Variants in FAM222A observed in about 807,000 individuals in gnomAD.
FAM222A encodes protein FAM222A.
FAM222A carries 7 observed loss-of-function variants against 25.8 expected under a neutral mutation model. The observed-to-expected ratio is 0.27, with a 90% CI of 0.15 to 0.51. FAM222A has a LOEUF of 0.51. FAM222A is among the 20% of genes least tolerant of loss of function. The pLI is 0.97. For missense variants in FAM222A, 573 were observed against 640.5 expected (o/e 0.89, Z 1.14); for synonymous variants, 294 against 298.8 (o/e 0.98, Z 0.17).
rs1888333727 is a variant in FAM222A at position 109,744,370 on chromosome 12, C to G, written c.82+142C>G. 2.8e-6 allele frequency: 4 copies of G among 1,421,044 alleles called. No individual in the cohort carries two copies. In the African/African-American group the frequency reaches 5.7e-5, roughly 20 times the overall value. The allele number at this position is 1,421,044 out of a possible 1,614,324, so 88.0% of individuals were successfully genotyped here. ...CCCCCAGGCCTTGGCCCCGGCTGTG[C>G]TGCCTTCCTGGTCTCCATCCCCAAA... On this transcript the variant is annotated intron_variant, in intron 2 of 2. Transcript: ENST00000538780.
intron 2 of FAM222A, among the ~76,000 whole-genome samples, chr12:109,749,433 G>A (rs1474331237): frequency 1.3e-5 from 2 of 152,106 alleles, no homozygotes; most frequent in Non-Finnish European, 2.9e-5. Context: ...GGTGGTGGTA[G>A]TGTTTTTTAT....
intron 1 of FAM222A, among the ~76,000 whole-genome samples, chr12:109,724,566 C>T (rs1272407116): frequency 1.3e-5 from 2 of 152,170 alleles, no homozygotes; most frequent in Admixed American, 1.3e-4. Context: ...TGAGGCTTCC[C>T]CCGGGGCCTG....
Position 109,768,937 on chromosome 12 carries a change from CACCAGCTT to C in FAM222A, c.1009_1016del (p.Thr337HisfsTer92). ...CCCTCAACTGTGGCGTGGGGCTGCC[CACCAGCTT>C]CACCGTAGGCCAGTACTTTGCGGCC... On this transcript the variant is annotated frameshift_variant, in exon 3 of 3. Coordinates refer to ENST00000538780, the MANE Select transcript of FAM222A (RefSeq NM_032829.3). LOFTEE classifies it high-confidence loss of function. 1.9e-6 allele frequency: 3 copies of C among 1,574,218 alleles called. No individual in the cohort carries two copies. The highest frequency in any genetic ancestry group is 2.6e-6 in the Non-Finnish European group (3 of 1,166,808).
At chr12:109,765,887 G>T (rs993992471) in intron 2 of FAM222A, among the ~76,000 whole-genome samples, 2 of 152,154 alleles carry the variant, frequency 1.3e-5, no homozygotes, top group Non-Finnish European at 2.9e-5. Flanking sequence ...TAATACTCAC[G>T]CTCACAGAAC....
At chr12:109,759,655 A>T (rs1283593899) in intron 2 of FAM222A, among the ~76,000 whole-genome samples, 2 of 152,180 alleles carry the variant, frequency 1.3e-5, no homozygotes, top group African/African-American at 4.8e-5. Context: ...CAAGTCTTTA[A>T]TGGGGGCCGC....
At chr12:109,731,730 C>T (rs144319953) in intron 1 of FAM222A, among the ~76,000 whole-genome samples, 194 of 152,268 alleles carry the variant, frequency 1.3e-3, no homozygotes, top group African/African-American at 4.6e-3. Context: ...CTCTGCCCAC[C>T]CATGTTGAGG....
At position 109,768,346 on chromosome 12, in the gene FAM222A, C is replaced by T. The variant is rs151189872; in HGVS notation, c.417C>T (p.Ala139=). 9.8e-5 allele frequency: 157 copies of T among 1,595,470 alleles called. No individual in the cohort carries two copies. The African/African-American group carries it at 1.5e-3, about 15-fold the overall frequency. Residue 139 remains alanine, a synonymous_variant, in exon 3 of 3, where the codon GCC becomes GCT. Coordinates refer to ENST00000538780, the MANE Select transcript of FAM222A (RefSeq NM_032829.3). Reference sequence around the variant, plus strand: ...GCAAGCGGACCAAGCTGTCACCGGCCGCCGTGCAGGTGGGCATTGCGCCCT... The same window carrying T: ...GCAAGCGGACCAAGCTGTCACCGGCTGCCGTGCAGGTGGGCATTGCGCCCT... ...AEGKRTKLSP[A]AVQVGIAPYP... is the part of the protein sequence containing the mutation.
At chr12:109,740,485 G>A (rs1888209701) in intron 1 of FAM222A, among the ~76,000 whole-genome samples, 1 of 152,206 alleles carries the variant, frequency 6.6e-6, no homozygotes, top group South Asian at 2.1e-4. Context: ...TGGCCAGGGG[G>A]GTAATGAGTC....
intron 1 of FAM222A, among the ~76,000 whole-genome samples, chr12:109,721,966 C>T (rs1006375693): frequency 1.7e-4 from 26 of 152,174 alleles, no homozygotes; most frequent in Non-Finnish European, 2.8e-4. Flanking sequence ...AGTAGGGTCA[C>T]GCACTTGTTG....
chr12:109,718,597 T>G (rs773477098), intron 1 of FAM222A, among the ~76,000 whole-genome samples: 1 of 152,264 alleles, frequency 6.6e-6, no homozygotes, highest in African/African-American at 2.4e-5. Flanking sequence ...CCGGAGCCGC[T>G]TTATTGTGTT....
intron 1 of FAM222A, among the ~76,000 whole-genome samples, chr12:109,726,266 C>A: frequency 6.6e-6 from 1 of 152,204 alleles, no homozygotes; most frequent in East Asian, 1.9e-4. Context: ...AAGCATGGGG[C>A]CTCAGTTTTC....
intron 1 of FAM222A, among the ~76,000 whole-genome samples, chr12:109,743,062 G>A (rs1888288122): frequency 6.6e-6 from 1 of 152,156 alleles, no homozygotes; most frequent in Non-Finnish European, 1.5e-5. Context: ...CAGGACTGTG[G>A]GAGGTCAGGA....
intron 1 of FAM222A, among the ~76,000 whole-genome samples, chr12:109,739,455 AAATG>A (rs1242758818): frequency 1.3e-5 from 2 of 152,204 alleles, no homozygotes; most frequent in Non-Finnish European, 2.9e-5. Context: ...TTTGCTGCCT[AAATG>A]AATGAATGGG....
intron 2 of FAM222A, among the ~76,000 whole-genome samples, chr12:109,765,430 T>C (rs7131924): frequency 0.032 from 4,859 of 152,168 alleles, 271 homozygotes; most frequent in African/African-American, 0.11. Context: ...GGCTTCTCTC[T>C]GCAAGCCTGC....
At chr12:109,725,719 G>A (rs1409978515) in intron 1 of FAM222A, among the ~76,000 whole-genome samples, 1 of 151,878 alleles carries the variant, frequency 6.6e-6, no homozygotes, top group Non-Finnish European at 1.5e-5. Context: ...TTTGCTTGAA[G>A]CAAATGTCAG....
At chr12:109,733,231 C>T (rs73407761) in intron 1 of FAM222A, among the ~76,000 whole-genome samples, 14,596 of 152,080 alleles carry the variant, frequency 0.096, 1,705 homozygotes, top group East Asian at 0.39. Context: ...TCCCAGGTTT[C>T]AAAGACTTAG....
rs1309524554 is a variant in FAM222A at position 109,713,863 on chromosome 12, C to G, written c.-1081C>G. 6.7e-6 allele frequency among the ~76,000 whole-genome samples: 1 copy of G among 149,252 alleles called. No homozygotes were observed. The highest frequency in any genetic ancestry group is 1.5e-5 in the Non-Finnish European group (1 of 66,894). ...CGGAGCAGCGGGCAGGACTGCCTGG[C>G]CGGCTGCTCCGCGGAGAGGCTGCGC... On this transcript the variant is annotated 5_prime_UTR_variant, in exon 1 of 3. Transcript: ENST00000538780.
intron 2 of FAM222A, among the ~76,000 whole-genome samples, chr12:109,753,883 A>G (rs994433292): frequency 2.0e-5 from 3 of 152,252 alleles, no homozygotes; most frequent in Admixed American, 1.3e-4. Flanking sequence ...AGGGCCGCAC[A>G]GCAGATTCAG....
intron 1 of FAM222A, among the ~76,000 whole-genome samples, chr12:109,738,406 C>T (rs946612546): frequency 6.6e-6 from 1 of 152,192 alleles, no homozygotes; most frequent in African/African-American, 2.4e-5. Flanking sequence ...CCTCTCACCA[C>T]CATTTCAGGC....
Sources: gnomAD v4.1 joint callset for allele counts (sites outside exome capture counted in the v4.1 genomes callset) on GRCh38, gnomAD v4.1.1 for gene constraint, MANE v1.5 for transcripts, NCBI Gene and HGNC (gene_info 2026-07-23, HGNC 2026-07-21) for gene names.